Variants in ARHGAP15 observed in about 807,000 individuals in gnomAD.
ARHGAP15 encodes the protein rho GTPase-activating protein 15.
ARHGAP15 carries 51 observed loss-of-function variants against 63.7 expected under a neutral mutation model. The ratio of observed to expected loss-of-function variants is 0.80; its 90% CI spans 0.64 to 1.01. The LOEUF is 1.01. ARHGAP15 is among the 50% of genes least tolerant of loss of function. The probability of loss-of-function intolerance (pLI) is 0.00; values close to 1 mark genes in which losing one functional copy is unlikely to be tolerated. For missense variants in ARHGAP15, 560 were observed against 564.6 expected (o/e 0.99, Z 0.08); for synonymous variants, 191 against 193.8 (o/e 0.99, Z 0.12).
intron 12 of ARHGAP15, among the ~76,000 whole-genome samples, chr2:143,680,021 T>TAAAAAAAAAAAAAAAAA (rs55927433): frequency 9.8e-6 from 1 of 101,592 alleles, no homozygotes; most frequent in African/African-American, 4.5e-5. Flanking sequence ...AGTAAATGAT[T>TAAAAAAAAAAAAAAAAA]AAAAAAAAAA....
At chr2:143,684,180 C>T (rs1683224731) in intron 12 of ARHGAP15, among the ~76,000 whole-genome samples, 1 of 152,132 alleles carries the variant, frequency 6.6e-6, no homozygotes, top group South Asian at 2.1e-4. Flanking sequence ...TTTATTAGTG[C>T]TTGATCAGCA....
chr2:143,389,659 G>C (rs1386247080), intron 6 of ARHGAP15, among the ~76,000 whole-genome samples: 1 of 152,150 alleles, frequency 6.6e-6, no homozygotes, highest in Non-Finnish European at 1.5e-5. Flanking sequence ...ACACCAGCTA[G>C]GTGGTAGAAT....
At chr2:143,457,544 A>G (rs1475322393) in intron 8 of ARHGAP15, among the ~76,000 whole-genome samples, 1 of 150,798 alleles carries the variant, frequency 6.6e-6, no homozygotes, top group East Asian at 1.9e-4. Context: ...TTTAATATAT[A>G]TATATTTATG....
At chr2:143,669,185 A>G (rs1231562361) in intron 12 of ARHGAP15, among the ~76,000 whole-genome samples, 2 of 152,134 alleles carry the variant, frequency 1.3e-5, no homozygotes, top group African/African-American at 2.4e-5. Context: ...AATTGTCTCT[A>G]TTTTTCAGAT....
chr2:143,462,702 G>A (rs932039627), intron 8 of ARHGAP15, among the ~76,000 whole-genome samples: 3 of 152,160 alleles, frequency 2.0e-5, no homozygotes, highest in Non-Finnish European at 4.4e-5. Context: ...ACAAAAGTTA[G>A]ACCAAACAGT....
At chr2:143,464,715 A>G (rs572922045) in intron 8 of ARHGAP15, among the ~76,000 whole-genome samples, 7 of 152,158 alleles carry the variant, frequency 4.6e-5, no homozygotes, top group Non-Finnish European at 1.0e-4. Context: ...GTTGGAGGAT[A>G]ATGACATTTC....
intron 10 of ARHGAP15, among the ~76,000 whole-genome samples, chr2:143,550,235 A>G (rs1190189323): frequency 6.6e-6 from 1 of 152,188 alleles, no homozygotes; most frequent in East Asian, 1.9e-4. Context: ...ATGCTAGAAG[A>G]TAATGGAACA....
intron 1 of ARHGAP15, among the ~76,000 whole-genome samples, chr2:143,147,064 CTT>C (rs1689620376): frequency 6.6e-6 from 1 of 152,034 alleles, no homozygotes; most frequent in East Asian, 1.9e-4. Flanking sequence ...GATAAAAAGA[CTT>C]TGCGACTGGG....
intron 10 of ARHGAP15, among the ~76,000 whole-genome samples, chr2:143,547,850 G>T (rs886492004): frequency 1.3e-5 from 2 of 151,928 alleles, no homozygotes; most frequent in African/African-American, 4.8e-5. Flanking sequence ...CTCTATACAA[G>T]AATACCTGAT....
At chr2:143,268,175 G>GTTT (rs200736838) in intron 6 of ARHGAP15, among the ~76,000 whole-genome samples, 2 of 142,740 alleles carry the variant, frequency 1.4e-5, no homozygotes, top group Non-Finnish European at 1.5e-5. Context: ...ATAGAGTGTA[G>GTTT]TTTTTTTTTT....
intron 6 of ARHGAP15, among the ~76,000 whole-genome samples, chr2:143,377,705 T>C (rs1006218631): frequency 1.3e-5 from 2 of 152,070 alleles, no homozygotes; most frequent in Non-Finnish European, 2.9e-5. Context: ...GTAATTAATT[T>C]ACAGCAATAA....
At chr2:143,320,176 T>TAC (rs923086061) in intron 6 of ARHGAP15, among the ~76,000 whole-genome samples, 4 of 152,114 alleles carry the variant, frequency 2.6e-5, no homozygotes, top group African/African-American at 9.7e-5. Flanking sequence ...TAATATAAAC[T>TAC]ACATGACCTG....
chr2:143,224,154 C>A (rs967541398), intron 4 of ARHGAP15, among the ~76,000 whole-genome samples: 1 of 152,068 alleles, frequency 6.6e-6, no homozygotes, highest in African/African-American at 2.4e-5. Flanking sequence ...GCGTGGGAAG[C>A]CCTCTGGAGA....
At chr2:143,565,336 C>G (rs1426055746) in intron 11 of ARHGAP15, among the ~76,000 whole-genome samples, 1 of 152,078 alleles carries the variant, frequency 6.6e-6, no homozygotes, top group African/African-American at 2.4e-5. Flanking sequence ...TTTTAAATTA[C>G]CCTTTTAATA....
At chr2:143,174,644 G>A (rs556344895) in intron 2 of ARHGAP15, among the ~76,000 whole-genome samples, 1 of 152,186 alleles carries the variant, frequency 6.6e-6, no homozygotes, top group African/African-American at 2.4e-5. Context: ...TAAGAACTGA[G>A]ATGAGTTATG....
At chr2:143,694,847 C>G (rs1017162333) in intron 12 of ARHGAP15, among the ~76,000 whole-genome samples, 2 of 152,128 alleles carry the variant, frequency 1.3e-5, no homozygotes, top group Non-Finnish European at 2.9e-5. Flanking sequence ...ATGCCTTCTT[C>G]AAAAACAATA....
intron 1 of ARHGAP15, among the ~76,000 whole-genome samples, chr2:143,139,227 C>T (rs1173469959): frequency 1.3e-5 from 2 of 152,098 alleles, no homozygotes; most frequent in African/African-American, 4.8e-5. Context: ...TTTTGCCTTC[C>T]TTCCAATTTC....
At chr2:143,212,343 C>T (rs1367585486) in intron 3 of ARHGAP15, among the ~76,000 whole-genome samples, 1 of 152,216 alleles carries the variant, frequency 6.6e-6, no homozygotes, top group African/African-American at 2.4e-5. Flanking sequence ...CCGAGCACTT[C>T]CTCAGTGCTT....
intron 13 of ARHGAP15, among the ~76,000 whole-genome samples, chr2:143,721,229 T>C (rs1399454229): frequency 1.3e-5 from 2 of 152,078 alleles, no homozygotes; most frequent in African/African-American, 4.8e-5. Flanking sequence ...AGAGGTTCTC[T>C]GTGGCCAAGA....
Sources: allele counts gnomAD v4.1 joint callset (sites outside exome capture counted in the v4.1 genomes callset), GRCh38; gene constraint gnomAD v4.1.1; transcripts MANE v1.5; gene names NCBI Gene and HGNC (gene_info 2026-07-23, HGNC 2026-07-21).